SCARA3: variants seen among roughly 807,000 people sequenced by gnomAD.
SCARA3 encodes cellular stress response gene protein.
SCARA3 carries 39 observed loss-of-function variants against 47.0 expected under a neutral mutation model. The observed-to-expected ratio is 0.83, with a 90% CI of 0.64 to 1.08. The LOEUF is 1.08. Among genes scored for constraint, SCARA3 ranks in the 50% least tolerant of loss-of-function variants. The pLI is 0.00. For missense variants in SCARA3, 724 were observed against 792.3 expected (o/e 0.91, Z 1.04); for synonymous variants, 356 against 334.1 (o/e 1.07, Z -0.71).
chr8:27,657,797 C>A (rs1801775265), intron 4 of SCARA3, among the ~76,000 whole-genome samples: 1 of 152,046 alleles, frequency 6.6e-6, no homozygotes, highest in South Asian at 2.1e-4. Context: ...GCCTCTGCCT[C>A]CCAAAGTGCT....
At chr8:27,712,750 C>T in the SCARA3 span, among the ~76,000 whole-genome samples, 1 of 152,070 alleles carries the variant, frequency 6.6e-6, no homozygotes, top group African/African-American at 2.4e-5. Flanking sequence ...CATCCATGTG[C>T]AGGCTTCTGT....
the SCARA3 span, among the ~76,000 whole-genome samples, chr8:27,717,740 G>A: frequency 1.3e-5 from 2 of 152,048 alleles, no homozygotes; most frequent in African/African-American, 4.8e-5. Context: ...ATACAAGATC[G>A]CACCACTGCA....
At chr8:27,712,366 A>G in the SCARA3 span, among the ~76,000 whole-genome samples, 1 of 151,836 alleles carries the variant, frequency 6.6e-6, no homozygotes, top group Non-Finnish European at 1.5e-5. Flanking sequence ...GATCGAGACC[A>G]TCCCGGCTAA....
the SCARA3 span, among the ~76,000 whole-genome samples, chr8:27,709,351 G>A: frequency 1.3e-5 from 2 of 152,184 alleles, no homozygotes; most frequent in Admixed American, 6.5e-5. Context: ...GTCCTTGACC[G>A]GGCCAGGAAG....
rs142487784 is a variant in SCARA3, at chr8:27,658,766, C to A, written c.596C>A (p.Thr199Lys). 117 of 1,614,102 alleles carry A rather than the reference C, an allele frequency of 7.2e-5. No individual in the cohort carries two copies. In the African/African-American group the frequency reaches 1.3e-3, roughly 18 times the overall value. Residue 199 changes from threonine to lysine, a missense_variant, in exon 5 of 6, where the codon ACA becomes AAA. Physicochemically the swap from Thr to Lys is moderately conservative, Grantham distance 78. Transcript: ENST00000301904. ...LAQVRGWQAT[T>K]AGLDLSLKDL... ...CAGGTGAGAGGCTGGCAGGCCACCA[C>A]AGCTGGCCTGGACCTCTCTCTGAAG...
At chr8:27,705,808 T>C in the SCARA3 span, among the ~76,000 whole-genome samples, 20 of 152,268 alleles carry the variant, frequency 1.3e-4, no homozygotes, top group African/African-American at 4.6e-4. Context: ...CTGGGAAGGA[T>C]AGGAGTATAA....
chr8:27,726,731 C>T, the SCARA3 span, among the ~76,000 whole-genome samples: 1 of 152,098 alleles, frequency 6.6e-6, no homozygotes, highest in Non-Finnish European at 1.5e-5. Flanking sequence ...ACAGTTTATT[C>T]TGAAACCAAA....
intron 3 of SCARA3, among the ~76,000 whole-genome samples, chr8:27,652,850 A>G (rs1801661985): frequency 6.6e-6 from 1 of 152,008 alleles, no homozygotes; most frequent in Admixed American, 6.5e-5. Context: ...CCCTCCACTC[A>G]CTCCAGATGA....
At chr8:27,645,683 G>A (rs949853838) in intron 1 of SCARA3, among the ~76,000 whole-genome samples, 1 of 152,208 alleles carries the variant, frequency 6.6e-6, no homozygotes, top group South Asian at 2.1e-4. Flanking sequence ...AAACCCCTTT[G>A]GAGAGCTGGT....
Position 27,672,742 on chromosome 8 carries a change from TTGGC to T in SCARA3, c.*1393_*1396del. The T allele has an allele frequency of 1.0e-6, 1 of 985,580 alleles. No homozygotes were observed. The highest frequency in any genetic ancestry group is 1.2e-6 in the Non-Finnish European group (1 of 830,048). The allele number at this position is 985,580 out of a possible 1,614,324, so 61.1% of individuals were successfully genotyped here. On this transcript the variant is annotated 3_prime_UTR_variant, in exon 6 of 6. Coordinates refer to ENST00000301904, the MANE Select transcript of SCARA3 (RefSeq NM_016240.3). ...CACCCCACAGGGTGGAGGTCTCCTG[TTGGC>T]TACACTCTAAAGCTGCTTTGCCTTC... is the stretch of plus-strand genomic sequence containing the variant.
In SCARA3 at chr8:27,634,151, G is replaced by A; in HGVS notation, c.-50G>A. On this transcript the variant is annotated 5_prime_UTR_variant, in exon 1 of 6. Transcript: ENST00000301904. ...CCGCCGGCCGCCCGGCTCCACTACA[G>A]CTCCAGCCGCCTGCAGCGGGGCCCT... is the stretch of plus-strand genomic sequence containing the variant. 6.9e-7 allele frequency: 1 copy of A among 1,452,462 alleles called. No individual in the cohort carries two copies. Among genetic ancestry groups the A allele is most frequent in the Non-Finnish European group, 9.0e-7 (1 of 1,107,734 alleles). 90.0% of individuals were successfully genotyped at this position (1,452,462 alleles called of 1,614,324 possible).
chr8:27,686,227 C>T, the SCARA3 span, among the ~76,000 whole-genome samples: 1 of 151,844 alleles, frequency 6.6e-6, no homozygotes, highest in Non-Finnish European at 1.5e-5. Context: ...GATTCCTTGA[C>T]CCCAGGAGTT....
Position 27,653,784 on chromosome 8 carries a change from C to A in SCARA3, c.226+2157C>A, listed in dbSNP as rs1393685677. Among the ~76,000 whole-genome samples, 3 of 151,992 alleles carry A rather than the reference C, an allele frequency of 2.0e-5. No individual in the cohort carries two copies. The East Asian group carries it at 5.8e-4, about 29-fold the overall frequency. ...ACCAAGAACTATATTCTATACTGGG[C>A]AGTATACTGCTTAGTAAAACACAGA... On this transcript the variant is annotated intron_variant, in intron 3 of 5. Transcript: ENST00000301904.
chr8:27,640,331 G>A (rs1282499047), intron 1 of SCARA3, among the ~76,000 whole-genome samples: 3 of 152,110 alleles, frequency 2.0e-5, no homozygotes, highest in African/African-American at 7.2e-5. Context: ...TTCTGTGTAT[G>A]TTTGCACAGA....
chr8:27,688,830 C>T, the SCARA3 span, among the ~76,000 whole-genome samples: 1 of 152,086 alleles, frequency 6.6e-6, no homozygotes, highest in Admixed American at 6.6e-5. Context: ...GAGGGCCACA[C>T]GGGGCTTTTA....
At chr8:27,693,035 G>T in the SCARA3 span, among the ~76,000 whole-genome samples, 2 of 150,212 alleles carry the variant, frequency 1.3e-5, no homozygotes, top group African/African-American at 2.4e-5. Context: ...CTGAGGCAGA[G>T]AACCACTTGA....
chr8:27,680,065 G>A (rs1802335489), downstream of SCARA3: 1 of 152,052 alleles, frequency 6.6e-6, no homozygotes, highest in African/African-American at 2.4e-5. Flanking sequence ...ACCAAAATAT[G>A]TTGGATGCAG....
Position 27,658,512 on chromosome 8 carries a change from C to T in SCARA3, c.342C>T (p.Asn114=). Reference sequence around the variant, plus strand: ...CCCCTAAAGATCCGAAAGCCCTGAACAACTGCTCTTTCTGCCATGAAGCTG... The same window carrying T: ...CCCCTAAAGATCCGAAAGCCCTGAATAACTGCTCTTTCTGCCATGAAGCTG... ...NLQGLDPKAL[N]NCSFCHEAGQ... is the part of the protein sequence containing the mutation. The change falls in exon 5 of 6, where the codon AAC becomes AAT. Residue 114 remains asparagine, a synonymous_variant. Coordinates refer to ENST00000301904, the MANE Select transcript of SCARA3 (RefSeq NM_016240.3). 6.2e-7 allele frequency: 1 copy of T among 1,609,624 alleles called. No individual in the cohort carries two copies. The highest frequency in any genetic ancestry group is 1.7e-5 in the Admixed American group (1 of 59,426).
chr8:27,719,813 A>G, the SCARA3 span, among the ~76,000 whole-genome samples: 5 of 152,164 alleles, frequency 3.3e-5, no homozygotes, highest in South Asian at 2.1e-4. Flanking sequence ...TAAAGACCCA[A>G]TCCTCCTCAC....
Sources: gnomAD v4.1 joint callset for allele counts (sites outside exome capture counted in the v4.1 genomes callset) on GRCh38, gnomAD v4.1.1 for gene constraint, MANE v1.5 for transcripts, NCBI Gene and HGNC (gene_info 2026-07-23, HGNC 2026-07-21) for gene names.